The following XYLT1 variants were observed in gnomAD, a reference collection of about 807,000 sequenced individuals.
The protein encoded by XYLT1 is xylosyltransferase 1.
Under a neutral mutation model 91.3 loss-of-function variants are expected in XYLT1, and 36 were observed. That is an observed-to-expected ratio of 0.39 (90% CI 0.30 to 0.52). The LOEUF (loss-of-function observed/expected upper bound fraction) is 0.52, where lower values mean the gene tolerates loss of function less well. Ranked by LOEUF, XYLT1 falls within the 20% of genes least tolerant of loss-of-function variation. The pLI is 0.68. For synonymous variants in XYLT1, 588 were observed against 532.0 expected, an observed-to-expected ratio of 1.11 and a Z score of -1.45; for missense variants, 1,242 against 1,284.5, an observed-to-expected ratio of 0.97 and a Z score of 0.51.
chr16:17,431,300 G>A (rs1333666790), intron 1 of XYLT1, among the ~76,000 whole-genome samples: 3 of 152,136 alleles, frequency 2.0e-5, no homozygotes, highest in Admixed American at 6.5e-5. Context: ...CACATCTATC[G>A]CCTGGGAATC....
intron 3 of XYLT1, among the ~76,000 whole-genome samples, chr16:17,222,219 C>G (rs1052440519): frequency 2.0e-5 from 3 of 152,310 alleles, no homozygotes; most frequent in Admixed American, 2.0e-4. Flanking sequence ...CAGAAACATA[C>G]TAAGTTATGC....
In XYLT1 at chr16:17,342,758, A is replaced by T. The variant is rs535018396; in HGVS notation, c.402+15254T>A. ...CATGCGTTTCTCATTTACTACCTGTATAGAATGTGTGCTCAGAAGAGTAAG... is the reference window on the plus strand; with the variant it reads ...CATGCGTTTCTCATTTACTACCTGTTTAGAATGTGTGCTCAGAAGAGTAAG... On this transcript the variant is annotated intron_variant, in intron 2 of 11. Coordinates refer to ENST00000261381, the MANE Select transcript of XYLT1 (RefSeq NM_022166.4). Among the ~76,000 whole-genome samples, 400 of 152,266 alleles carry T rather than the reference A, an allele frequency of 2.6e-3. 1 individual carries two copies. Among genetic ancestry groups the T allele is most frequent in the African/African-American group, 9.4e-3 (389 of 41,562 alleles).
intron 2 of XYLT1, among the ~76,000 whole-genome samples, chr16:17,345,816 T>C (rs116303354): frequency 6.6e-6 from 1 of 152,280 alleles, no homozygotes; most frequent in African/African-American, 2.4e-5. Context: ...TTTTATTTAT[T>C]ATTATTATTT....
chr16:17,398,181 C>T lies in XYLT1; in HGVS notation c.364-40131G>A, dbSNP rs77111183. On this transcript the variant is annotated intron_variant, in intron 1 of 11. Transcript: ENST00000261381. ...CTGACAAGGCAAGAGGCTAAAACTC[C>T]AGAAAGATAAGGACTAGAAGTGCAT... Among the ~76,000 whole-genome samples the T allele has an allele frequency of 1.1e-4, 17 of 152,208 alleles. No homozygotes were observed. The East Asian group carries it at 3.3e-3, about 29-fold the overall frequency.
intron 6 of XYLT1, 148 bp downstream of exon 6, chr16:17,158,681 C>T (rs577757089): frequency 6.5e-5 from 50 of 768,724 alleles, no homozygotes; most frequent in African/African-American, 3.8e-4. Context: ...TCAGATCCCA[C>T]GCAGACACAG....
At chr16:17,255,994 C>T (rs1028903944) in intron 3 of XYLT1, among the ~76,000 whole-genome samples, 16 of 152,110 alleles carry the variant, frequency 1.1e-4, no homozygotes, top group Non-Finnish European at 2.9e-5. Context: ...GGCGACAGAG[C>T]GAGACTGTCT....
At chr16:17,422,182 C>T (rs2036258863) in intron 1 of XYLT1, among the ~76,000 whole-genome samples, 2 of 151,568 alleles carry the variant, frequency 1.3e-5, no homozygotes, top group South Asian at 4.2e-4. Flanking sequence ...CGGGGTTTCA[C>T]CATGATGTCT....
chr16:17,411,450 T>TA (rs1464861776), intron 1 of XYLT1, among the ~76,000 whole-genome samples: 5 of 152,280 alleles, frequency 3.3e-5, no homozygotes, highest in Middle Eastern at 3.4e-3. Context: ...CTTGGGCTGC[T>TA]AAAAAAATGC....
chr16:17,215,490 A>AAG (rs2032838439), intron 3 of XYLT1, among the ~76,000 whole-genome samples: 1 of 152,158 alleles, frequency 6.6e-6, no homozygotes, highest in Non-Finnish European at 1.5e-5. Context: ...GCAAGCCAGG[A>AAG]AGAGGGCCCT....
intron 1 of XYLT1, among the ~76,000 whole-genome samples, chr16:17,377,464 C>T (rs573174576): frequency 6.6e-6 from 1 of 152,046 alleles, no homozygotes; most frequent in Non-Finnish European, 1.5e-5. Flanking sequence ...CTTTGTTTGG[C>T]GGGACAGCCA....
chr16:17,236,912 G>A lies in XYLT1; in HGVS notation c.913+22076C>T, dbSNP rs1278864544. ...TGCAAAGACCCTATTTCCAAATAAG[G>A]CCACATTCACAAGTCCTGGGGCTTA... On this transcript the variant is annotated intron_variant, in intron 3 of 11. Coordinates refer to ENST00000261381, the MANE Select transcript of XYLT1 (RefSeq NM_022166.4). Among the ~76,000 whole-genome samples, 3 of 152,130 alleles carry A rather than the reference G, an allele frequency of 2.0e-5. No individual in the cohort carries two copies. The East Asian group carries it at 5.8e-4, about 29-fold the overall frequency.
chr16:17,303,134 T>C (rs1296309850), intron 2 of XYLT1, among the ~76,000 whole-genome samples: 2 of 152,186 alleles, frequency 1.3e-5, no homozygotes, highest in East Asian at 1.9e-4. Flanking sequence ...GTGCAAAGAA[T>C]TGGGCTCCCT....
Position 17,470,631 on chromosome 16 carries a change from G to A in XYLT1, c.166C>T (p.Gln56Ter). The A allele has an allele frequency of 1.8e-6, 2 of 1,094,922 alleles. No individual in the cohort carries two copies. The highest frequency in any genetic ancestry group is 3.4e-5 in the South Asian group (1 of 29,288). 67.8% of individuals were successfully genotyped at this position (1,094,922 alleles called of 1,614,324 possible). ...CGCGGGGCCGGGGCCGGGGGCGGCT[G>A]CTCCCCGCCGCCGACCGCTGCGCCC... ...RGGAAVGGGE[Q>*]PPPAPAPRRE... The change falls in exon 1 of 12, where the codon CAG becomes TAG. Residue 56 changes from glutamine to a stop codon, truncating the protein, a stop_gained. Transcript: ENST00000261381. LOFTEE classifies it high-confidence loss of function.
At chr16:17,288,905 G>A (rs1003826841) in intron 2 of XYLT1, among the ~76,000 whole-genome samples, 4 of 152,098 alleles carry the variant, frequency 2.6e-5, no homozygotes, top group African/African-American at 9.7e-5. Flanking sequence ...TTACCCCACT[G>A]AGTGTTGAGG....
intron 2 of XYLT1, among the ~76,000 whole-genome samples, chr16:17,323,316 C>T (rs776456966): frequency 6.2e-4 from 94 of 152,356 alleles, no homozygotes; most frequent in Non-Finnish European, 1.1e-3. Context: ...TAGACTAAAA[C>T]AATTACAACA....
At chr16:17,355,915 T>C (rs562481883) in intron 2 of XYLT1, among the ~76,000 whole-genome samples, 3 of 152,118 alleles carry the variant, frequency 2.0e-5, no homozygotes, top group Admixed American at 2.0e-4. Flanking sequence ...GGTTTCACCA[T>C]GTTGGCCAGG....
chr16:17,438,547 A>G (rs12446944), intron 1 of XYLT1, among the ~76,000 whole-genome samples: 72,395 of 151,942 alleles, frequency 0.48, 20,863 homozygotes, highest in African/African-American at 0.8. Context: ...TCAGACTACC[A>G]GCGTTCACAT....
At chr16:17,229,493 C>T (rs1004105378) in intron 3 of XYLT1, among the ~76,000 whole-genome samples, 3 of 152,204 alleles carry the variant, frequency 2.0e-5, no homozygotes, top group African/African-American at 7.2e-5. Context: ...AGGCCCCAGC[C>T]TTATGGCTTA....
intron 1 of XYLT1, among the ~76,000 whole-genome samples, chr16:17,383,055 C>A (rs908664188): frequency 6.6e-6 from 1 of 151,824 alleles, no homozygotes; most frequent in Admixed American, 6.6e-5. Context: ...TCACTTCCAA[C>A]AAGCTGCAGG....
Sources: gnomAD v4.1 joint callset for allele counts (sites outside exome capture counted in the v4.1 genomes callset) on GRCh38, gnomAD v4.1.1 for gene constraint, MANE v1.5 for transcripts, NCBI Gene and HGNC (gene_info 2026-07-23, HGNC 2026-07-21) for gene names.